The following INVS variants were observed in gnomAD, a reference collection of about 807,000 sequenced individuals.
The protein encoded by INVS is inversion of embryo turning homolog.
Under a neutral mutation model 108.8 loss-of-function variants are expected in INVS, and 86 were observed. That is an observed-to-expected ratio of 0.79 (90% CI 0.66 to 0.95). The LOEUF (loss-of-function observed/expected upper bound fraction) is 0.95, where lower values mean the gene tolerates loss of function less well. INVS is among the 40% of genes least tolerant of loss of function. The probability of loss-of-function intolerance (pLI) is 0.00; values close to 1 mark genes in which losing one functional copy is unlikely to be tolerated. For synonymous variants in INVS, 455 were observed against 473.5 expected, an observed-to-expected ratio of 0.96 and a Z score of 0.51; for missense variants, 1,169 against 1,297.4, an observed-to-expected ratio of 0.90 and a Z score of 1.52.
At chr9:100,144,116 G>A (rs1828525770) in intron 3 of INVS, among the ~76,000 whole-genome samples, 1 of 152,016 alleles carries the variant, frequency 6.6e-6, no homozygotes, top group African/African-American at 2.4e-5. Flanking sequence ...CCTGGGCTGC[G>A]GGCATTCCTT....
chr9:100,277,066 C>T (rs1277775246), intron 12 of INVS, among the ~76,000 whole-genome samples: 2 of 152,160 alleles, frequency 1.3e-5, no homozygotes, highest in Non-Finnish European at 2.9e-5. Context: ...GCTTAAGTCC[C>T]TTCTACGAGA....
intron 3 of INVS, among the ~76,000 whole-genome samples, chr9:100,197,163 A>G (rs1204986305): frequency 2.0e-5 from 3 of 152,226 alleles, no homozygotes; most frequent in Non-Finnish European, 4.4e-5. Context: ...TGGGGTTCCT[A>G]CAACTCCCTG....
Position 100,154,865 on chromosome 9 carries a change from G to A in INVS, c.273+28316G>A, listed in dbSNP as rs534005874. ...AGCTAGTCTTATCTGAGTATATCTT[G>A]TTCTATAGTTTTGATTTTGGAACTT... On this transcript the variant is annotated intron_variant, in intron 3 of 16. Coordinates refer to ENST00000262457, the MANE Select transcript of INVS (RefSeq NM_014425.5). 2.6e-5 allele frequency among the ~76,000 whole-genome samples: 4 copies of A among 152,260 alleles called. No homozygotes were observed. In the South Asian group the frequency reaches 8.3e-4, roughly 32 times the overall value.
intron 3 of INVS, among the ~76,000 whole-genome samples, chr9:100,174,594 G>A (rs370386749): frequency 2.0e-5 from 3 of 152,126 alleles, no homozygotes; most frequent in Non-Finnish European, 2.9e-5. Flanking sequence ...TTCAAGAAAC[G>A]TAATGAACTC....
chr9:100,269,307 CTA>C (rs2118650481), intron 11 of INVS, among the ~76,000 whole-genome samples: 1 of 152,192 alleles, frequency 6.6e-6, no homozygotes, highest in African/African-American at 2.4e-5. Context: ...TTTAATGACT[CTA>C]TGATAATTTT....
At chr9:100,253,763 G>A (rs2118568162) in intron 10 of INVS, among the ~76,000 whole-genome samples, 1 of 152,170 alleles carries the variant, frequency 6.6e-6, no homozygotes, top group South Asian at 2.1e-4. Context: ...TTTTGTGGCT[G>A]CATAGTATTC....
chr9:100,273,973 C>A (rs1315931524), intron 12 of INVS, among the ~76,000 whole-genome samples: 1 of 152,096 alleles, frequency 6.6e-6, no homozygotes, highest in Non-Finnish European at 1.5e-5. Flanking sequence ...AAGCAAAATC[C>A]CCCCTGCCTC....
chr9:100,115,446 C>T (rs1213382421), intron 2 of INVS, among the ~76,000 whole-genome samples: 1 of 152,060 alleles, frequency 6.6e-6, no homozygotes, highest in Non-Finnish European at 1.5e-5. Flanking sequence ...TAATGCTATG[C>T]CTCCCCCGTC....
chr9:100,229,626 CTGT>C (rs993271022), intron 4 of INVS, 31 bp from the exon 5 acceptor site: 1 of 1,602,236 alleles, frequency 6.2e-7, no homozygotes, highest in Non-Finnish European at 8.5e-7. Context: ...TTAGTTGTTA[CTGT>C]TGTTATTTCG....
chr9:100,145,519 G>A (rs1257300271), intron 3 of INVS, among the ~76,000 whole-genome samples: 2 of 151,836 alleles, frequency 1.3e-5, no homozygotes, highest in African/African-American at 2.4e-5. Context: ...GGGGGTTCTT[G>A]CCCCCTAGAA....
intron 3 of INVS, among the ~76,000 whole-genome samples, chr9:100,197,970 C>T (rs928045816): frequency 6.6e-6 from 1 of 152,032 alleles, no homozygotes; most frequent in Non-Finnish European, 1.5e-5. Flanking sequence ...TTTCTGAGGC[C>T]TAAAGCACCC....
At chr9:100,100,630 T>TATATATAATATATGTATATATA (rs1306580758) in intron 1 of INVS, among the ~76,000 whole-genome samples, 8 of 70,954 alleles carry the variant, frequency 1.1e-4, no homozygotes, top group African/African-American at 6.3e-4. Context: ...GTATATATAA[T>TATATATAATATATGTATATATA]ATATATATTA....
chr9:100,116,503 T>A (rs1045037563), intron 2 of INVS, among the ~76,000 whole-genome samples: 4 of 152,192 alleles, frequency 2.6e-5, no homozygotes, highest in African/African-American at 9.6e-5. Context: ...AAATATTTCC[T>A]CCCAATTTGT....
At chr9:100,208,935 T>C (rs1204532065) in intron 3 of INVS, among the ~76,000 whole-genome samples, 1 of 152,192 alleles carries the variant, frequency 6.6e-6, no homozygotes, top group Non-Finnish European at 1.5e-5. Context: ...GTACTCGCTG[T>C]GCACTGGTCA....
intron 3 of INVS, among the ~76,000 whole-genome samples, chr9:100,188,651 T>G (rs1358985399): frequency 1.4e-5 from 2 of 141,874 alleles, no homozygotes; most frequent in Admixed American, 1.4e-4. Context: ...TTTTTTTTTT[T>G]GTCCGTTAGA....
At chr9:100,256,407 C>T (rs1832423669) in intron 10 of INVS, among the ~76,000 whole-genome samples, 1 of 152,022 alleles carries the variant, frequency 6.6e-6, no homozygotes, top group Non-Finnish European at 1.5e-5. Flanking sequence ...TTTTGTGTCT[C>T]TATCTCCTTC....
chr9:100,123,492 C>T (rs934567309), intron 2 of INVS, among the ~76,000 whole-genome samples: 1 of 152,148 alleles, frequency 6.6e-6, no homozygotes, highest in Admixed American at 6.5e-5. Flanking sequence ...TTTGTTTAAC[C>T]ATTCGTCAGT....
Position 100,292,872 on chromosome 9 carries a change from AG to A in INVS, c.2617del (p.Val873TyrfsTer17). On this transcript the variant is annotated frameshift_variant, in exon 14 of 17. Transcript: ENST00000262457. LOFTEE classifies it high-confidence loss of function. ...LETSTLSEDFQVSKETDPAPG... is the reference protein window; with the variant it reads ...LETSTLSEDFXVSKETDPAPG... ...ACATCTACCCTGTCCGAGGACTTTC[AG>A]GTATCTAAGGAGACTGATCCAGCAC... The A allele has an allele frequency of 6.2e-7, 1 of 1,614,170 alleles. No individual in the cohort carries two copies. The highest frequency in any genetic ancestry group is 2.2e-5 in the East Asian group (1 of 44,874).
At chr9:100,101,724 C>G (rs888192491) in intron 1 of INVS, 1 of 152,194 alleles carries the variant, frequency 6.6e-6, no homozygotes, top group Admixed American at 6.5e-5. Context: ...GGAGTAACAG[C>G]GATTGGCGTG....
Sources: gnomAD v4.1 joint callset for allele counts (sites outside exome capture counted in the v4.1 genomes callset) on GRCh38, gnomAD v4.1.1 for gene constraint, MANE v1.5 for transcripts, NCBI Gene and HGNC (gene_info 2026-07-23, HGNC 2026-07-21) for gene names.